PCBP2: variants seen among roughly 807,000 people sequenced by gnomAD.
PCBP2 encodes the protein poly(rC)-binding protein 2.
Under a neutral mutation model 50.1 loss-of-function variants are expected in PCBP2, and 4 were observed. The observed-to-expected ratio is 0.08, with a 90% CI of 0.04 to 0.18. The LOEUF (loss-of-function observed/expected upper bound fraction) is 0.18, where lower values mean the gene tolerates loss of function less well. PCBP2 is among the 10% of genes least tolerant of loss of function. PCBP2 has a pLI of 1.00. For synonymous variants in PCBP2, 179 were observed against 168.0 expected (o/e 1.07, Z -0.51); for missense variants, 161 against 474.3 (o/e 0.34, Z 6.14).
intron 1 of PCBP2, 128 bp from the exon 2 acceptor site, chr12:53,454,598 A>T (rs2137014613): frequency 1.7e-6 from 1 of 583,668 alleles, no homozygotes; most frequent in Middle Eastern, 4.7e-4. Flanking sequence ...CTTGGTGTGT[A>T]TATAAGTCTG....
In PCBP2 at chr12:53,459,295, T is replaced by C. The variant is rs757880972; in HGVS notation, c.267T>C (p.Asn89=). ...LEEDISSSMT[N]STAASRPPVT... Reference sequence around the variant, plus strand: ...AGGACATAAGCAGCTCTATGACCAATAGCACAGCTGCCAGTAGACCCCCGG... The same window carrying C: ...AGGACATAAGCAGCTCTATGACCAACAGCACAGCTGCCAGTAGACCCCCGG... The change falls in exon 6 of 15, where the codon AAT becomes AAC. Residue 89 remains asparagine, a synonymous_variant. Transcript: ENST00000546463. 22 of 1,612,450 alleles carry C rather than the reference T, an allele frequency of 1.4e-5. No homozygotes were observed. Among genetic ancestry groups the C allele is most frequent in the Non-Finnish European group, 1.9e-5 (22 of 1,179,162 alleles).
chr12:53,471,169 C>T (rs1286172731), intron 13 of PCBP2, among the ~76,000 whole-genome samples: 1 of 151,912 alleles, frequency 6.6e-6, no homozygotes, highest in Non-Finnish European at 1.5e-5. Flanking sequence ...GCGGTATACA[C>T]CTGTAATCCC....
intron 1 of PCBP2, among the ~76,000 whole-genome samples, chr12:53,452,579 T>TC (rs893124299): frequency 1.4e-5 from 2 of 148,040 alleles, no homozygotes; most frequent in Non-Finnish European, 3.0e-5. Flanking sequence ...CAAGGCCTAT[T>TC]CCCCCCTCCC....
intron 6 of PCBP2, 29 bp downstream of exon 6, chr12:53,459,432 A>G: frequency 6.3e-7 from 1 of 1,591,626 alleles, no homozygotes; most frequent in Non-Finnish European, 8.6e-7. Flanking sequence ...CCTTTTAGAA[A>G]TGTTAACTAT....
intron 13 of PCBP2, 138 bp from the exon 14 acceptor site, chr12:53,471,500 G>A: frequency 1.3e-6 from 1 of 745,312 alleles, no homozygotes; most frequent in South Asian, 2.0e-5. Context: ...AGGAGGCTGA[G>A]GTTGCACAGT....
chr12:53,461,186 C>A (rs767158950), intron 7 of PCBP2, 43 bp downstream of exon 7: 7 of 1,605,586 alleles, frequency 4.4e-6, no homozygotes, highest in Admixed American at 3.4e-5. Context: ...GAGGGCCATT[C>A]TGGGGACAGA....
chr12:53,462,712 G>C lies in PCBP2; in HGVS notation c.579+145G>C, dbSNP rs1265938245. 7 of 600,386 alleles carry C rather than the reference G, an allele frequency of 1.2e-5. No homozygotes were observed. In the Admixed American group the frequency reaches 1.3e-4, roughly 11 times the overall value. The allele number at this position is 600,386 out of a possible 1,614,324, so 37.2% of individuals were successfully genotyped here. On this transcript the variant is annotated intron_variant, in intron 8 of 14. Transcript: ENST00000546463. Reference sequence around the variant, plus strand: ...TTGACCGGCTTTTAGTTTTATTTTTGTACTGGAGAAAGCTGAATGCCTTAA... The same window carrying C: ...TTGACCGGCTTTTAGTTTTATTTTTCTACTGGAGAAAGCTGAATGCCTTAA...
At chr12:53,462,674 C>T (rs1592653571) in intron 8 of PCBP2, 107 bp downstream of exon 8, 7 of 791,886 alleles carry the variant, frequency 8.8e-6, no homozygotes, top group Middle Eastern at 2.4e-4. Flanking sequence ...GAAACCTATA[C>T]TCTGGCCATA....
chr12:53,456,132 C>T (rs1215350002), intron 5 of PCBP2, 131 bp downstream of exon 5: 1 of 664,888 alleles, frequency 1.5e-6, no homozygotes, highest in Non-Finnish European at 2.7e-6. Context: ...CCTTAGCTTC[C>T]TGTAGCCTCC....
intron 14 of PCBP2, among the ~76,000 whole-genome samples, chr12:53,473,682 T>C (rs1942385490): frequency 6.6e-6 from 1 of 152,192 alleles, no homozygotes; most frequent in Non-Finnish European, 1.5e-5. Context: ...CAAAGCTTCA[T>C]CTAACACCAA....
intron 9 of PCBP2, among the ~76,000 whole-genome samples, chr12:53,465,496 C>T (rs1237060864): frequency 6.6e-6 from 1 of 152,014 alleles, no homozygotes; most frequent in Non-Finnish European, 1.5e-5. Flanking sequence ...TAAAACATAC[C>T]ATGTAGGTTT....
chr12:53,466,279 C>T (rs1941816487), intron 10 of PCBP2, among the ~76,000 whole-genome samples: 1 of 152,194 alleles, frequency 6.6e-6, no homozygotes, highest in South Asian at 2.1e-4. Context: ...TATCTCAGGG[C>T]ATAGTTTAAA....
intron 14 of PCBP2, among the ~76,000 whole-genome samples, chr12:53,478,539 C>G (rs994880574): frequency 6.6e-6 from 1 of 152,128 alleles, no homozygotes; most frequent in Non-Finnish European, 1.5e-5. Flanking sequence ...CGCGGTGGCT[C>G]ATGCCTGTAA....
At chr12:53,468,917 C>CCTT in intron 13 of PCBP2, 85 bp downstream of exon 13, 1 of 574,218 alleles carries the variant, frequency 1.7e-6, no homozygotes, top group Admixed American at 3.2e-5. Context: ...TCCTGCTACC[C>CCTT]TTTTTTTTTT....
At chr12:53,465,672 G>C (rs1592661306) in intron 9 of PCBP2, among the ~76,000 whole-genome samples, 4 of 152,248 alleles carry the variant, frequency 2.6e-5, no homozygotes, top group Admixed American at 2.6e-4. Flanking sequence ...TTAAGAAACA[G>C]TTATGTATAT....
At chr12:53,462,189 G>A (rs1941498201) in intron 7 of PCBP2, among the ~76,000 whole-genome samples, 2 of 152,094 alleles carry the variant, frequency 1.3e-5, no homozygotes, top group South Asian at 2.1e-4. Flanking sequence ...AAAAATATAC[G>A]TTTAACAGTT....
intron 5 of PCBP2, among the ~76,000 whole-genome samples, chr12:53,457,278 C>G (rs955659581): frequency 3.3e-5 from 5 of 152,194 alleles, no homozygotes; most frequent in African/African-American, 1.2e-4. Context: ...GTCTCAAACT[C>G]CTGACCTCAA....
At chr12:53,458,151 A>C (rs1941177751) in intron 5 of PCBP2, among the ~76,000 whole-genome samples, 1 of 151,284 alleles carries the variant, frequency 6.6e-6, no homozygotes, top group Non-Finnish European at 1.5e-5. Flanking sequence ...CTGGTCTCGG[A>C]CTCCTGACCT....
chr12:53,462,717 G>A lies in PCBP2; in HGVS notation c.579+150G>A, dbSNP rs1941533453. 6.8e-6 allele frequency: 4 copies of A among 584,210 alleles called. No individual in the cohort carries two copies. In the Admixed American group the frequency reaches 1.3e-4, roughly 20 times the overall value. The allele number at this position is 584,210 out of a possible 1,614,324, so 36.2% of individuals were successfully genotyped here. A position where few individuals can be genotyped will look rare whatever the true frequency, so the allele number is the denominator to read the frequency against. Reference sequence around the variant, plus strand: ...CGGCTTTTAGTTTTATTTTTGTACTGGAGAAAGCTGAATGCCTTAATTTTT... The same window carrying A: ...CGGCTTTTAGTTTTATTTTTGTACTAGAGAAAGCTGAATGCCTTAATTTTT... On this transcript the variant is annotated intron_variant, in intron 8 of 14. Transcript: ENST00000546463.
Sources: gnomAD v4.1 joint callset for allele counts (sites outside exome capture counted in the v4.1 genomes callset) on GRCh38, gnomAD v4.1.1 for gene constraint, MANE v1.5 for transcripts, NCBI Gene and HGNC (gene_info 2026-07-23, HGNC 2026-07-21) for gene names.